GALK2: variants seen among roughly 807,000 people sequenced by gnomAD.
GALK2 encodes the protein galactokinase 2, also known as N-acetylgalactosamine kinase.
GALK2 carries 36 observed loss-of-function variants against 52.4 expected under a neutral mutation model. That is an observed-to-expected ratio of 0.69 (90% CI 0.53 to 0.91). GALK2 has a LOEUF of 0.91. Ranked by LOEUF, GALK2 falls within the 40% of genes least tolerant of loss-of-function variation. The pLI, the probability that GALK2 is intolerant of heterozygous loss-of-function variation, is 0.00. For synonymous variants in GALK2, 176 were observed against 199.1 expected (o/e 0.88, Z 0.98); for missense variants, 579 against 559.1 (o/e 1.04, Z -0.36).
chr15:49,285,113 G>C (rs997257487), intron 7 of GALK2, among the ~76,000 whole-genome samples: 38 of 151,864 alleles, frequency 2.5e-4, no homozygotes, highest in African/African-American at 9.2e-4. Context: ...TCTCACTTCT[G>C]CGTTCTCCAC....
At chr15:49,320,474 T>A (rs371770420) in intron 9 of GALK2, among the ~76,000 whole-genome samples, 2 of 152,246 alleles carry the variant, frequency 1.3e-5, no homozygotes, top group South Asian at 2.1e-4. Flanking sequence ...TTAGTCCTCT[T>A]ACCCAGGAAG....
chr15:49,341,791 A>G (rs1472743590), intron 3 of GALK2, among the ~76,000 whole-genome samples: 1 of 152,012 alleles, frequency 6.6e-6, no homozygotes, highest in East Asian at 1.9e-4. Flanking sequence ...TTCTGCCTTA[A>G]TTTCATTGTT....
intron 7 of GALK2, among the ~76,000 whole-genome samples, chr15:49,289,980 T>C (rs2033775196): frequency 6.6e-6 from 1 of 152,172 alleles, no homozygotes; most frequent in African/African-American, 2.4e-5. Flanking sequence ...ATACTTAATG[T>C]TTGCCATGGT....
rs1453150131 is a variant in GALK2 at position 49,245,730 on chromosome 15, TATTTTTTTAA to T, written c.504+6365_504+6374del. Among the ~76,000 whole-genome samples the T allele has an allele frequency of 2.0e-5, 3 of 152,306 alleles. No homozygotes were observed. In the East Asian group the frequency reaches 5.8e-4, roughly 29 times the overall value. The stretch of plus-strand genomic sequence containing the variant: ...TGCACAAAATTATTCAGCGAGGGCC[TATTTTTTTAA>T]AATAGGAAAAAGTATAATGCATTAT... On this transcript the variant is annotated intron_variant, in intron 5 of 9. Transcript: ENST00000560031.
chr15:49,156,119 A>C, intron 1 of GALK2: 1 of 1,120,650 alleles, frequency 8.9e-7, no homozygotes, highest in Non-Finnish European at 1.4e-6. Context: ...TTTACACTTA[A>C]TGCTTGTTAT....
intron 3 of GALK2, among the ~76,000 whole-genome samples, chr15:49,349,902 G>A (rs1226846082): frequency 6.6e-6 from 1 of 151,886 alleles, no homozygotes; most frequent in East Asian, 1.9e-4. Flanking sequence ...TAGAATGAAA[G>A]GGGAAAAAAA....
intron 3 of GALK2, among the ~76,000 whole-genome samples, chr15:49,227,094 A>G (rs779688351): frequency 2.6e-5 from 4 of 152,216 alleles, no homozygotes; most frequent in Non-Finnish European, 5.9e-5. Flanking sequence ...AAGAATGTAT[A>G]TTCTGTAGCT....
intron 3 of GALK2, among the ~76,000 whole-genome samples, chr15:49,229,792 G>A (rs2247517): frequency 0.59 from 89,681 of 151,810 alleles, 26,636 homozygotes; most frequent in Middle Eastern, 0.66. Flanking sequence ...GGCAGCAGTC[G>A]TAGACAATTG....
intron 1 of GALK2, chr15:49,194,202 T>G (rs1308400456): frequency 6.6e-6 from 1 of 152,154 alleles, no homozygotes; most frequent in Non-Finnish European, 1.5e-5. Flanking sequence ...GGCATGCACC[T>G]GTAGTCGCAG....
chr15:49,177,731 G>A, intron 1 of GALK2: 2 of 808,352 alleles, frequency 2.5e-6, no homozygotes, highest in South Asian at 3.8e-5. Context: ...GTCAGCCCAT[G>A]CATCACCCTT....
At chr15:49,197,984 A>T (rs1235607094) in intron 1 of GALK2, among the ~76,000 whole-genome samples, 1 of 152,038 alleles carries the variant, frequency 6.6e-6, no homozygotes, top group African/African-American at 2.4e-5. Flanking sequence ...ATGTCATTCT[A>T]TCTCAAATCC....
chr15:49,365,796 GCA>G, intron 3 of GALK2: 1 of 858,968 alleles, frequency 1.2e-6, no homozygotes, highest in Non-Finnish European at 2.0e-6. Flanking sequence ...CTATTGCTAT[GCA>G]CAGTCCAGAG....
intron 1 of GALK2, chr15:49,178,378 C>CATAT (rs10574188): frequency 0.16 from 23,759 of 151,138 alleles, 2,112 homozygotes; most frequent in Non-Finnish European, 0.19. Flanking sequence ...TATATATGTA[C>CATAT]ATATATATAT....
intron 1 of GALK2, among the ~76,000 whole-genome samples, chr15:49,175,253 A>C (rs2085359795): frequency 6.6e-6 from 1 of 152,218 alleles, no homozygotes; most frequent in South Asian, 2.1e-4. Flanking sequence ...AACTAGCTTA[A>C]GGTCTGCAGT....
intron 3 of GALK2, among the ~76,000 whole-genome samples, chr15:49,347,958 G>C (rs1323103764): frequency 6.9e-6 from 1 of 144,958 alleles, no homozygotes; most frequent in Non-Finnish European, 1.5e-5. Context: ...GGTGGAGGCT[G>C]CAGTGAGCTG....
intron 5 of GALK2, among the ~76,000 whole-genome samples, chr15:49,256,809 A>T (rs909397089): frequency 1.6e-4 from 24 of 152,160 alleles, no homozygotes; most frequent in African/African-American, 5.5e-4. Flanking sequence ...TTTCAAGCAT[A>T]GAGACTATTT....
chr15:49,337,129 T>C (rs888193594), intron 3 of GALK2, among the ~76,000 whole-genome samples: 1 of 152,224 alleles, frequency 6.6e-6, no homozygotes, highest in Non-Finnish European at 1.5e-5. Context: ...GTCTTTGCTA[T>C]TGTGAATAGT....
At chr15:49,170,458 T>TG in intron 1 of GALK2, 83 bp downstream of exon 1, 1 of 1,409,874 alleles carries the variant, frequency 7.1e-7, no homozygotes, top group Admixed American at 2.0e-5. Flanking sequence ...GCTCCTCCCT[T>TG]GGGGCGCTGC....
chr15:49,328,605 G>T lies in GALK2; in HGVS notation c.*446G>T, dbSNP rs1208307891. 6.3e-7 allele frequency: 1 copy of T among 1,591,612 alleles called. No homozygotes were observed. The highest frequency in any genetic ancestry group is 8.6e-7 in the Non-Finnish European group (1 of 1,165,632). ...TTCCTCAAAGTTGTAGTTGTCTGTT[G>T]ATGATGGTGATGATGATGATGATGA... On this transcript the variant is annotated 3_prime_UTR_variant, in exon 10 of 10. Coordinates refer to ENST00000560031, the MANE Select transcript of GALK2 (RefSeq NM_002044.4).
Sources: allele counts gnomAD v4.1 joint callset (sites outside exome capture counted in the v4.1 genomes callset), GRCh38; gene constraint gnomAD v4.1.1; transcripts MANE v1.5; gene names NCBI Gene and HGNC (gene_info 2026-07-23, HGNC 2026-07-21).